Variants in ATXN1 observed in about 807,000 individuals in gnomAD.
ATXN1 encodes ataxin-1.
In ATXN1, 8 loss-of-function variants were observed where a neutral mutation model predicts 56.4. The observed-to-expected ratio is 0.14, with a 90% CI of 0.08 to 0.26. The LOEUF (loss-of-function observed/expected upper bound fraction) is 0.26, where lower values mean the gene tolerates loss of function less well. ATXN1 is among the 10% of genes least tolerant of loss of function. The probability of loss-of-function intolerance (pLI) is 1.00; values close to 1 mark genes in which losing one functional copy is unlikely to be tolerated. For synonymous variants in ATXN1, 514 were observed against 494.6 expected (o/e 1.04, Z -0.52); for missense variants, 987 against 1,106.5 (o/e 0.89, Z 1.53).
At chr6:16,669,667 CTTTTTTT>C (rs11356086) in intron 2 of ATXN1, among the ~76,000 whole-genome samples, 2 of 113,132 alleles carry the variant, frequency 1.8e-5, no homozygotes, top group South Asian at 3.1e-4. Context: ...ACTGAACAAT[CTTTTTTT>C]TTTTTTTTTT....
At chr6:16,369,757 G>C (rs1762001930) in intron 6 of ATXN1, among the ~76,000 whole-genome samples, 1 of 152,140 alleles carries the variant, frequency 6.6e-6, no homozygotes, top group African/African-American at 2.4e-5. Context: ...CACCAGGACT[G>C]AACCCTGACT....
chr6:16,674,854 A>G lies in ATXN1; in HGVS notation c.-614-16953T>C, dbSNP rs1299129334. 7.2e-5 allele frequency among the ~76,000 whole-genome samples: 11 copies of G among 152,202 alleles called. 1 individual carries two copies. Among genetic ancestry groups the G allele is most frequent in the Admixed American group, 7.2e-4 (11 of 15,280 alleles). On this transcript the variant is annotated intron_variant, in intron 2 of 7. Transcript: ENST00000436367. ...ACTGGAGTAAGAAATCAATGCTCCT[A>G]GAGAAACAGATCATTTCCTCAGCAA...
intron 3 of ATXN1, among the ~76,000 whole-genome samples, chr6:16,642,848 T>A (rs1169672954): frequency 2.0e-5 from 3 of 152,268 alleles, no homozygotes; most frequent in African/African-American, 7.2e-5. Flanking sequence ...GACAAAATGT[T>A]ATTGGATAAT....
chr6:16,306,237 A>C lies in ATXN1; in HGVS notation c.*92T>G. On this transcript the variant is annotated 3_prime_UTR_variant, in exon 8 of 8. Transcript: ENST00000436367. The surrounding 1 kb of genome is among the most constrained non-coding windows in gnomAD (Gnocchi z 5.2). ...ACAGAAACCTAAAATTAAGAAGATA[A>C]CATGTAAATACTGTGTTATTTTAGC... 7.1e-7 allele frequency: 1 copy of C among 1,412,994 alleles called. No individual in the cohort carries two copies. The highest frequency in any genetic ancestry group is 9.5e-7 in the Non-Finnish European group (1 of 1,053,292). 87.5% of individuals were successfully genotyped at this position (1,412,994 alleles called of 1,614,324 possible). A position where few individuals can be genotyped will look rare whatever the true frequency, so the allele number is the denominator to read the frequency against.
chr6:16,407,149 A>G (rs1758703143), intron 6 of ATXN1, among the ~76,000 whole-genome samples: 1 of 152,236 alleles, frequency 6.6e-6, no homozygotes, highest in African/African-American at 2.4e-5. Context: ...TCAGAGAGAT[A>G]ATGGGCATGC....
chr6:16,403,006 T>C lies in ATXN1; in HGVS notation c.-160-74536A>G, dbSNP rs79890580. On this transcript the variant is annotated intron_variant, in intron 6 of 7. Coordinates refer to ENST00000436367, the MANE Select transcript of ATXN1 (RefSeq NM_001128164.2). ...AATTCAAATCTGTAGATAGTGAATT[T>C]TTTTTAACTCTCTTAAAACAGCGCT... Among the ~76,000 whole-genome samples, 142 of 152,372 alleles carry C rather than the reference T, an allele frequency of 9.3e-4. 2 individuals are homozygous for C. In the East Asian group the frequency reaches 0.024, roughly 26 times the overall value.
chr6:16,721,490 G>A (rs1245559121), intron 2 of ATXN1, among the ~76,000 whole-genome samples: 1 of 152,054 alleles, frequency 6.6e-6, no homozygotes, highest in East Asian at 1.9e-4. Context: ...AGCCAGCTAT[G>A]GTGGCACGTC....
chr6:16,455,064 A>T (rs1390024256), intron 6 of ATXN1, among the ~76,000 whole-genome samples: 1 of 152,208 alleles, frequency 6.6e-6, no homozygotes, highest in African/African-American at 2.4e-5. Context: ...GGTTGGGAAG[A>T]CTGTATTTAC....
At chr6:16,499,742 T>G (rs1468040307) in intron 5 of ATXN1, among the ~76,000 whole-genome samples, 1 of 152,198 alleles carries the variant, frequency 6.6e-6, no homozygotes, top group African/African-American at 2.4e-5. Context: ...AATAGACTTT[T>G]GGCATGATAC....
At chr6:16,529,548 C>A (rs1360365507) in intron 4 of ATXN1, among the ~76,000 whole-genome samples, 3 of 152,128 alleles carry the variant, frequency 2.0e-5, no homozygotes, top group East Asian at 1.9e-4. Flanking sequence ...TGTTAATAAC[C>A]CAAACACAAA....
chr6:16,361,990 G>T (rs1223968499), intron 6 of ATXN1, among the ~76,000 whole-genome samples: 1 of 152,252 alleles, frequency 6.6e-6, no homozygotes, highest in Non-Finnish European at 1.5e-5. Context: ...AGGAGGTTCT[G>T]TGTGTTCCTT....
chr6:16,314,207 T>TC (rs1760462598), intron 7 of ATXN1, among the ~76,000 whole-genome samples: 1 of 152,142 alleles, frequency 6.6e-6, no homozygotes, highest in African/African-American at 2.4e-5. Flanking sequence ...AAGGTTTTTT[T>TC]CCCTTCTTTG....
chr6:16,724,283 T>C (rs1301234146), intron 2 of ATXN1, among the ~76,000 whole-genome samples: 2 of 152,238 alleles, frequency 1.3e-5, no homozygotes, highest in Non-Finnish European at 2.9e-5. Context: ...AGAAAATTCA[T>C]GAAGTCTCCA....
chr6:16,694,113 A>G (rs1300879927), intron 2 of ATXN1, among the ~76,000 whole-genome samples: 1 of 152,252 alleles, frequency 6.6e-6, no homozygotes, highest in Non-Finnish European at 1.5e-5. Flanking sequence ...TTGAACAAAA[A>G]ATAACACAAA....
rs35308265 is a variant in ATXN1 at position 16,323,525 on chromosome 6, CAAAAAAAAAAAAAAA to C, written c.1917+2854_1917+2868del. Among the ~76,000 whole-genome samples the C allele has an allele frequency of 1.4e-4, 7 of 48,828 alleles. No individual in the cohort carries two copies. In the East Asian group the frequency reaches 2.0e-3, roughly 14 times the overall value. 32.0% of individuals were successfully genotyped at this position (48,828 alleles called of 152,430 possible). On this transcript the variant is annotated intron_variant, in intron 7 of 7. Transcript: ENST00000436367. The stretch of plus-strand genomic sequence containing the variant: ...GGGTGACAGAGCAAGACTCTGTCTC[CAAAAAAAAAAAAAAA>C]AAAAAAAAAAAAAAATAGAAGAGTC...
chr6:16,757,954 G>C (rs948005704), intron 1 of ATXN1, among the ~76,000 whole-genome samples: 2 of 151,950 alleles, frequency 1.3e-5, no homozygotes, highest in Non-Finnish European at 2.9e-5. Flanking sequence ...CTAAAATAAA[G>C]TACATGTTTA....
Position 16,524,159 on chromosome 6 carries a change from C to A in ATXN1, c.-360-1471G>T, listed in dbSNP as rs3828863. Among the ~76,000 whole-genome samples, 67 of 152,300 alleles carry A rather than the reference C, an allele frequency of 4.4e-4. 2 individuals are homozygous for A. In the East Asian group the frequency reaches 0.011, roughly 26 times the overall value. ...TTTTTCAGGATGGCCCACCAGCCTGCAGGAAGATTCCCAGACTCAGTTCCT... is the reference window on the plus strand; with the variant it reads ...TTTTTCAGGATGGCCCACCAGCCTGAAGGAAGATTCCCAGACTCAGTTCCT... On this transcript the variant is annotated intron_variant, in intron 4 of 7. Transcript: ENST00000436367.
chr6:16,563,799 G>A (rs1762163965), intron 4 of ATXN1, among the ~76,000 whole-genome samples: 2 of 148,036 alleles, frequency 1.4e-5, no homozygotes, highest in African/African-American at 2.7e-5. Flanking sequence ...GGTCCATGAC[G>A]CCGCTGCACT....
intron 6 of ATXN1, among the ~76,000 whole-genome samples, chr6:16,396,900 T>A (rs1478123748): frequency 6.6e-6 from 1 of 152,240 alleles, no homozygotes; most frequent in Non-Finnish European, 1.5e-5. Flanking sequence ...AGGTGCTGAG[T>A]GCTGTAGGCA....
Sources: allele counts gnomAD v4.1 joint callset (sites outside exome capture counted in the v4.1 genomes callset), GRCh38; gene constraint gnomAD v4.1.1; non-coding constraint Gnocchi (gnomAD v3.1); transcripts MANE v1.5; gene names NCBI Gene and HGNC (gene_info 2026-07-23, HGNC 2026-07-21).